Variants in CSMD2 observed in about 807,000 individuals in gnomAD.
The protein encoded by CSMD2 is CUB and Sushi multiple domains 2, also known as CUB and sushi domain-containing protein 2.
Under a neutral mutation model 398.5 loss-of-function variants are expected in CSMD2, and 130 were observed. The ratio of observed to expected loss-of-function variants is 0.33; its 90% confidence interval spans 0.28 to 0.38. The LOEUF (loss-of-function observed/expected upper bound fraction) is 0.38. CSMD2 is among the 10% of genes least tolerant of loss of function. CSMD2 has a pLI of 1.00. For missense variants in CSMD2, 3,829 were observed against 4,764.9 expected, an observed-to-expected ratio of 0.80 and a Z score of 5.78; for synonymous variants, 1,828 against 1,908.5, an observed-to-expected ratio of 0.96 and a Z score of 1.10.
At position 33,862,954 on chromosome 1, in the gene CSMD2, T is replaced by C. The variant is rs200669327; in HGVS notation, c.921-15958A>G. 3.3e-5 allele frequency: 5 copies of C among 152,206 alleles called. No individual in the cohort carries two copies. In the East Asian group the frequency reaches 9.6e-4, roughly 29 times the overall value. The allele number at this position is 152,206 out of a possible 1,614,324, so 9.4% of individuals were successfully genotyped here. A position where few individuals can be genotyped will look rare whatever the true frequency, so the allele number is the denominator to read the frequency against. Reference sequence around the variant, plus strand: ...TCTTAGGCAAGTTTCCTTGTCCGGCTCAGCTGCTGAGACCACATATCTGGA... The same window carrying C: ...TCTTAGGCAAGTTTCCTTGTCCGGCCCAGCTGCTGAGACCACATATCTGGA... On this transcript the variant is annotated intron_variant, in intron 5 of 70. Transcript: ENST00000373381.
intron 3 of CSMD2, among the ~76,000 whole-genome samples, chr1:33,972,035 G>A (rs1645790288): frequency 6.6e-6 from 1 of 152,158 alleles, no homozygotes; most frequent in South Asian, 2.1e-4. Context: ...TGAAAGCATT[G>A]CTAACATTCA....
intron 5 of CSMD2, among the ~76,000 whole-genome samples, chr1:33,904,100 TG>T (rs1642923359): frequency 6.6e-6 from 1 of 152,180 alleles, no homozygotes; most frequent in Admixed American, 6.5e-5. Context: ...TTATTCTAAA[TG>T]TGATAGTAAG....
Position 33,994,869 on chromosome 1 carries a change from G to C in CSMD2, c.517+37725C>G, listed in dbSNP as rs142333139. On this transcript the variant is annotated intron_variant, in intron 3 of 70. Coordinates refer to ENST00000373381, the MANE Select transcript of CSMD2 (RefSeq NM_001281956.2). ...TCACGAGGTCAGGAGATCGATACCAGCCTGGCCAACACAGTGAAACCCCAT... is the reference window on the plus strand; with the variant it reads ...TCACGAGGTCAGGAGATCGATACCACCCTGGCCAACACAGTGAAACCCCAT... Among the ~76,000 whole-genome samples the C allele has an allele frequency of 7.6e-4, 116 of 152,130 alleles. 2 individuals are homozygous for C. The East Asian group carries it at 0.021, about 27-fold the overall frequency.
chr1:33,894,935 C>T (rs1032588604), intron 5 of CSMD2, among the ~76,000 whole-genome samples: 1 of 152,262 alleles, frequency 6.6e-6, no homozygotes, highest in East Asian at 1.9e-4. Context: ...CCCCAAGATG[C>T]CCCAGGTACT....
intron 47 of CSMD2, 58 bp from the exon 48 acceptor site, chr1:33,580,957 G>A: frequency 6.3e-7 from 1 of 1,583,898 alleles, no homozygotes. Context: ...GGAGCCTCCA[G>A]GGAAGACCTC....
At chr1:33,571,164 T>C (rs1163979140) in intron 51 of CSMD2, among the ~76,000 whole-genome samples, 1 of 152,220 alleles carries the variant, frequency 6.6e-6, no homozygotes, top group Non-Finnish European at 1.5e-5. Context: ...CACTTCTTTA[T>C]GTGTCTGCCT....
chr1:34,095,363 A>T (rs1162500280), intron 1 of CSMD2, among the ~76,000 whole-genome samples: 1 of 149,934 alleles, frequency 6.7e-6, no homozygotes, highest in African/African-American at 2.5e-5. Flanking sequence ...GAAAAGCAAG[A>T]GCAAACACAT....
At chr1:34,076,449 G>C (rs771708065) in intron 2 of CSMD2, among the ~76,000 whole-genome samples, 32 of 152,202 alleles carry the variant, frequency 2.1e-4, no homozygotes, top group Non-Finnish European at 4.3e-4. Flanking sequence ...TGCATTGTGG[G>C]ATGATGTTTA....
intron 41 of CSMD2, among the ~76,000 whole-genome samples, chr1:33,607,318 G>T (rs1350240062): frequency 6.6e-6 from 1 of 152,212 alleles, no homozygotes; most frequent in Non-Finnish European, 1.5e-5. Flanking sequence ...CAGAGTATCA[G>T]TTGGAGGAAT....
intron 15 of CSMD2, among the ~76,000 whole-genome samples, chr1:33,727,412 C>T (rs1646571592): frequency 6.6e-6 from 1 of 152,196 alleles, no homozygotes; most frequent in South Asian, 2.1e-4. Context: ...TGCCTCTTTC[C>T]CACCACCACT....
chr1:34,163,512 A>C lies in CSMD2; in HGVS notation c.187+1399T>G, dbSNP rs556775915. On this transcript the variant is annotated intron_variant, in intron 1 of 70. Coordinates refer to ENST00000373381, the MANE Select transcript of CSMD2 (RefSeq NM_001281956.2). This position sits in a 1 kb window ranked among gnomAD's most constrained non-coding sequence, Gnocchi z 5.4. ...ACACGGTCTGCGAGGACAGACTCAC[A>C]AGACGCTGAAGGCCAGAGTGGGCCA... Among the ~76,000 whole-genome samples the C allele has an allele frequency of 2.0e-5, 3 of 152,262 alleles. No homozygotes were observed. The East Asian group carries it at 5.8e-4, about 30-fold the overall frequency.
At chr1:33,569,930 C>T (rs1659430035) in intron 51 of CSMD2, among the ~76,000 whole-genome samples, 1 of 152,152 alleles carries the variant, frequency 6.6e-6, no homozygotes, top group Non-Finnish European at 1.5e-5. Context: ...TTTCCTTGCC[C>T]TTCTTTTCTG....
intron 1 of CSMD2, among the ~76,000 whole-genome samples, chr1:34,157,829 T>C (rs1312728926): frequency 2.6e-5 from 4 of 151,980 alleles, no homozygotes; most frequent in Non-Finnish European, 5.9e-5. Flanking sequence ...GTTTCTCCAA[T>C]CCCACCCCAT....
chr1:33,754,915 G>A (rs1277509264), intron 13 of CSMD2, among the ~76,000 whole-genome samples: 2 of 152,038 alleles, frequency 1.3e-5, no homozygotes, highest in African/African-American at 4.8e-5. Context: ...GTAGGAGTAA[G>A]GTGAGGAGAA....
At chr1:33,788,280 G>T (rs940230401) in intron 12 of CSMD2, among the ~76,000 whole-genome samples, 1 of 152,086 alleles carries the variant, frequency 6.6e-6, no homozygotes, top group Non-Finnish European at 1.5e-5. Context: ...GGCTGAGGCA[G>T]GTGGGTCATT....
intron 5 of CSMD2, among the ~76,000 whole-genome samples, chr1:33,913,567 T>C (rs555912309): frequency 1.3e-5 from 2 of 152,250 alleles, no homozygotes; most frequent in Admixed American, 6.5e-5. Flanking sequence ...GTTTTGTAGG[T>C]TGGTATACTG....
intron 22 of CSMD2, among the ~76,000 whole-genome samples, chr1:33,705,196 T>C (rs991262328): frequency 3.9e-5 from 6 of 152,202 alleles, no homozygotes; most frequent in African/African-American, 1.4e-4. Flanking sequence ...GATGTGGAAT[T>C]AGTAAATCAA....
chr1:33,811,013 C>A (rs912170912), intron 9 of CSMD2, 149 bp from the exon 10 acceptor site: 5 of 808,878 alleles, frequency 6.2e-6, no homozygotes, highest in Non-Finnish European at 9.3e-6. Flanking sequence ...CTCTACAGTT[C>A]TTGGGAGGCT....
Position 33,592,995 on chromosome 1 carries a change from T to C in CSMD2, c.6857-5827A>G, listed in dbSNP as rs550659725. 1.4e-4 allele frequency among the ~76,000 whole-genome samples: 22 copies of C among 152,190 alleles called. No homozygotes were observed. In the South Asian group the frequency reaches 2.1e-3, roughly 14 times the overall value. ...ATGACATATGTGTACACTCATGATC[T>C]TAGCAGCATTATTCACAAAAGCTAA... On this transcript the variant is annotated intron_variant, in intron 44 of 70. Transcript: ENST00000373381.
Sources: gnomAD v4.1 joint callset for allele counts (sites outside exome capture counted in the v4.1 genomes callset) on GRCh38, gnomAD v4.1.1 for gene constraint, Gnocchi (gnomAD v3.1) non-coding constraint, MANE v1.5 for transcripts, NCBI Gene and HGNC (gene_info 2026-07-23, HGNC 2026-07-21) for gene names.